Variants in ATP10A observed in about 807,000 individuals in gnomAD.
ATP10A encodes ATPase phospholipid transporting 10A (putative).
ATP10A carries 111 observed loss-of-function variants against 147.8 expected under a neutral mutation model. The ratio of observed to expected loss-of-function variants is 0.75; its 90% CI spans 0.64 to 0.88. ATP10A has a LOEUF of 0.88. Among genes scored for constraint, ATP10A ranks in the 40% least tolerant of loss-of-function variants. The probability of loss-of-function intolerance (pLI) is 0.00; values close to 1 mark genes in which losing one functional copy is unlikely to be tolerated. For missense variants in ATP10A, 1,927 were observed against 1,959.0 expected, an observed-to-expected ratio of 0.98 and a Z score of 0.31; for synonymous variants, 875 against 841.6, an observed-to-expected ratio of 1.04 and a Z score of -0.69.
At position 25,695,081 on chromosome 15, in the gene ATP10A, G is replaced by A; in HGVS notation, c.2826C>T (p.Ala942=). ...TCACTTTGCCCTTGGTCTTCTCAGG[G>A]GCTCTCTGGAGGCCTCTGGACTGCA... The part of the protein sequence containing the change: ...CYVQSRGLQR[A]PEKTKGKVSM... The change falls in exon 14 of 21, where the codon GCC becomes GCT. Residue 942 remains alanine, a synonymous_variant. Transcript: ENST00000555815. The A allele has an allele frequency of 6.2e-7, 1 of 1,614,184 alleles. No homozygotes were observed. Among genetic ancestry groups the A allele is most frequent in the Non-Finnish European group, 8.5e-7 (1 of 1,180,040 alleles).
intron 2 of ATP10A, among the ~76,000 whole-genome samples, chr15:25,778,784 T>C (rs982328592): frequency 5.9e-5 from 9 of 152,154 alleles, no homozygotes; most frequent in Non-Finnish European, 7.4e-5. Context: ...TATGAAGTGC[T>C]GCAGTTATTG....
At chr15:25,676,246 G>A (rs1490760490), downstream of ATP10A, among the ~76,000 whole-genome samples, 1 of 152,208 alleles carries the variant, frequency 6.6e-6, no homozygotes, top group Non-Finnish European at 1.5e-5. Context: ...GATGAGGGCA[G>A]GTGCCTCCTG....
At position 25,718,223 on chromosome 15, in the gene ATP10A, C is replaced by T. The variant is rs2140409642; in HGVS notation, c.1540G>A (p.Ala514Thr). The change falls in exon 8 of 21, where the codon GCC becomes ACC. Residue 514 changes from alanine (A) to threonine (T), a missense_variant. Coordinates refer to ENST00000555815, the MANE Select transcript of ATP10A (RefSeq NM_024490.4). Reference sequence around the variant, plus strand: ...GCCGTGTGCTTGGACAGCATGCTGGCCCTCTTGGCCTCGGCCCGGCTGCCC... The same window carrying T: ...GCCGTGTGCTTGGACAGCATGCTGGTCCTCTTGGCCTCGGCCCGGCTGCCC... ...RTGSRAEAKRASMLSKHTAFS... is the reference protein window; with the variant it reads ...RTGSRAEAKRTSMLSKHTAFS... 1 of 1,613,070 alleles carries T rather than the reference C, an allele frequency of 6.2e-7. No homozygotes were observed. The highest frequency in any genetic ancestry group is 1.7e-5 in the Admixed American group (1 of 60,016).
At chr15:25,696,132 C>T (rs1444225012) in intron 13 of ATP10A, among the ~76,000 whole-genome samples, 1 of 152,196 alleles carries the variant, frequency 6.6e-6, no homozygotes, top group Non-Finnish European at 1.5e-5. Flanking sequence ...GACCGTGAGT[C>T]TGCTGGGTCA....
At chr15:25,702,133 G>T (rs764365278) in intron 12 of ATP10A, 33 bp from the exon 13 acceptor site, 3 of 1,578,858 alleles carry the variant, frequency 1.9e-6, no homozygotes, top group Non-Finnish European at 1.7e-6. Context: ...GAGCGAACCC[G>T]CTTCTCACGT....
intron 2 of ATP10A, among the ~76,000 whole-genome samples, chr15:25,765,463 G>A (rs1209728793): frequency 1.3e-5 from 2 of 152,214 alleles, no homozygotes; most frequent in South Asian, 4.1e-4. Context: ...GAGACTTAGC[G>A]TTCCCACCCA....
intron 1 of ATP10A, among the ~76,000 whole-genome samples, chr15:25,854,419 T>C (rs192154343): frequency 1.3e-5 from 2 of 152,206 alleles, no homozygotes; most frequent in African/African-American, 4.8e-5. Context: ...AGTTCATCAA[T>C]AGAGAAGGAA....
Position 25,863,175 on chromosome 15 carries a change from C to T in ATP10A, c.-79G>A. On this transcript the variant is annotated 5_prime_UTR_variant, in exon 1 of 21. Transcript: ENST00000555815. ...CCTCTTAGGTTATCATCACTCGCGG[C>T]CCGGGCGCGGCGGTGCGAGCTCCCC... The T allele has an allele frequency of 2.0e-6, 2 of 1,009,728 alleles. No homozygotes were observed. The highest frequency in any genetic ancestry group is 2.4e-6 in the Non-Finnish European group (2 of 828,948). The allele number at this position is 1,009,728 out of a possible 1,614,324, so 62.5% of individuals were successfully genotyped here.
chr15:25,799,992 A>G (rs568876597), intron 1 of ATP10A, among the ~76,000 whole-genome samples: 2 of 152,270 alleles, frequency 1.3e-5, no homozygotes, highest in Admixed American at 1.3e-4. Flanking sequence ...ACTCCTTCTC[A>G]GTCTCAGGAA....
intron 1 of ATP10A, among the ~76,000 whole-genome samples, chr15:25,783,553 T>C (rs1567381030): frequency 6.6e-6 from 1 of 152,094 alleles, no homozygotes; most frequent in Non-Finnish European, 1.5e-5. Flanking sequence ...GAGTGTCCCC[T>C]GCCATTTTAA....
rs572705208 is a variant in ATP10A at position 25,849,621 on chromosome 15, C to T, written c.449+13027G>A. Among the ~76,000 whole-genome samples the T allele has an allele frequency of 2.6e-5, 4 of 152,226 alleles. No homozygotes were observed. In the South Asian group the frequency reaches 8.3e-4, roughly 32 times the overall value. Reference sequence around the variant, plus strand: ...GGAGAAAAAGAGAAAAGACCAGAAACGGAGGAATTTAACCGTGATCAAGGA... The same window carrying T: ...GGAGAAAAAGAGAAAAGACCAGAAATGGAGGAATTTAACCGTGATCAAGGA... On this transcript the variant is annotated intron_variant, in intron 1 of 20. Coordinates refer to ENST00000555815, the MANE Select transcript of ATP10A (RefSeq NM_024490.4).
At chr15:25,806,153 C>A (rs1891168956) in intron 1 of ATP10A, among the ~76,000 whole-genome samples, 1 of 152,094 alleles carries the variant, frequency 6.6e-6, no homozygotes, top group Admixed American at 6.5e-5. Context: ...GGCTCTCCTG[C>A]CTCCCCTTCC....
intron 1 of ATP10A, among the ~76,000 whole-genome samples, chr15:25,797,881 G>A (rs1890754932): frequency 6.6e-6 from 1 of 152,140 alleles, no homozygotes; most frequent in South Asian, 2.1e-4. Context: ...CCTCGTCTAT[G>A]TCATATCCTC....
intron 10 of ATP10A, chr15:25,709,386 A>C (rs994019814): frequency 1.3e-5 from 2 of 152,198 alleles, no homozygotes; most frequent in African/African-American, 4.8e-5. Flanking sequence ...TCCCAGAATC[A>C]GATTGTTCCT....
intron 1 of ATP10A, among the ~76,000 whole-genome samples, chr15:25,823,971 T>C (rs1892000675): frequency 1.3e-5 from 2 of 152,212 alleles, no homozygotes; most frequent in Admixed American, 6.5e-5. Flanking sequence ...ACAGCACAGA[T>C]GCAGCCACGG....
intron 7 of ATP10A, among the ~76,000 whole-genome samples, chr15:25,719,847 C>T (rs570604151): frequency 1.7e-4 from 26 of 152,306 alleles, no homozygotes; most frequent in Non-Finnish European, 2.8e-4. Context: ...GGTTCTGGTA[C>T]GTGAGCAGGG....
At chr15:25,791,249 C>T (rs1890410533) in intron 1 of ATP10A, among the ~76,000 whole-genome samples, 1 of 127,952 alleles carries the variant, frequency 7.8e-6, no homozygotes, top group African/African-American at 2.7e-5. Flanking sequence ...TTGGCTAGGG[C>T]AGGACATCTA....
intron 2 of ATP10A, among the ~76,000 whole-genome samples, chr15:25,774,267 C>T (rs1203051097): frequency 6.6e-6 from 1 of 152,110 alleles, no homozygotes; most frequent in East Asian, 1.9e-4. Context: ...AACTTCATGG[C>T]ATTAATTTAT....
At chr15:25,747,143 CTG>C (rs1371062475) in intron 2 of ATP10A, among the ~76,000 whole-genome samples, 3 of 152,108 alleles carry the variant, frequency 2.0e-5, no homozygotes, top group Non-Finnish European at 4.4e-5. Flanking sequence ...AAAACATTAG[CTG>C]GGCATGGTTG....
Sources: allele counts gnomAD v4.1 joint callset (sites outside exome capture counted in the v4.1 genomes callset), GRCh38; gene constraint gnomAD v4.1.1; transcripts MANE v1.5; gene names NCBI Gene and HGNC (gene_info 2026-07-23, HGNC 2026-07-21).